C17orf67: variants seen among roughly 807,000 people sequenced by gnomAD.
C17orf67 encodes the protein uncharacterized protein C17orf67.
A neutral mutation model predicts 11.2 loss-of-function variants in C17orf67; 12 were observed. The ratio of observed to expected loss-of-function variants is 1.07; its 90% CI spans 0.68 to 1.73. The LOEUF (loss-of-function observed/expected upper bound fraction) is 1.73. Ranked by LOEUF, C17orf67 falls within the 40% of genes most tolerant of loss-of-function variation. The probability of loss-of-function intolerance (pLI) is 0.00; values close to 1 mark genes in which losing one functional copy is unlikely to be tolerated. For missense variants in C17orf67, 115 were observed against 113.5 expected, an observed-to-expected ratio of 1.01 and a Z score of -0.06; for synonymous variants, 59 against 46.9, an observed-to-expected ratio of 1.26 and a Z score of -1.05.
chr17:56,827,637 C>T (rs549749078), intron 2 of C17orf67, among the ~76,000 whole-genome samples: 2 of 152,338 alleles, frequency 1.3e-5, no homozygotes, highest in African/African-American at 4.8e-5. Context: ...GGAGGGGCTG[C>T]GATCCTCTGT....
chr17:56,809,646 C>T (rs1052031809), intron 6 of C17orf67, among the ~76,000 whole-genome samples: 1 of 142,296 alleles, frequency 7.0e-6, no homozygotes. Flanking sequence ...CCCTCACACA[C>T]AGACCCCTCA....
chr17:56,811,086 C>T (rs558487077), intron 6 of C17orf67, among the ~76,000 whole-genome samples: 1 of 152,234 alleles, frequency 6.6e-6, no homozygotes, highest in African/African-American at 2.4e-5. Context: ...CCTGACTCCT[C>T]GCTTGGGTTG....
At chr17:56,793,698 A>G (rs1005219422) in intron 7 of C17orf67, among the ~76,000 whole-genome samples, 2 of 152,242 alleles carry the variant, frequency 1.3e-5, no homozygotes, top group Non-Finnish European at 2.9e-5. Context: ...AGCTCTGGCC[A>G]GTTCCAGAGC....
chr17:56,811,656 T>C (rs1310340646), intron 6 of C17orf67, among the ~76,000 whole-genome samples: 1 of 151,968 alleles, frequency 6.6e-6, no homozygotes, highest in Admixed American at 6.6e-5. Context: ...AATGGGCACC[T>C]TGAGTAAGGA....
At chr17:56,798,290 T>G (rs973407249) in intron 6 of C17orf67, among the ~76,000 whole-genome samples, 12 of 119,028 alleles carry the variant, frequency 1.0e-4, no homozygotes, top group African/African-American at 2.6e-4. Context: ...TCTTGTGGGG[T>G]TTTTTTTATT....
chr17:56,820,338 C>A (rs1905868365), intron 4 of C17orf67, among the ~76,000 whole-genome samples: 1 of 152,182 alleles, frequency 6.6e-6, no homozygotes, highest in Non-Finnish European at 1.5e-5. Context: ...TATTCTAGTT[C>A]AGGGCCGTGG....
chr17:56,815,916 C>G lies in C17orf67; in HGVS notation c.-106G>C, dbSNP rs373629926. On this transcript the variant is annotated 5_prime_UTR_variant, in exon 5 of 8. Coordinates refer to ENST00000397861, the MANE Select transcript of C17orf67 (RefSeq NM_001085430.4). The stretch of plus-strand genomic sequence containing the variant: ...CTGCGCTTGTTTATGCTTTGACTAA[C>G]GGGACTTACGGTATGATGCTGAATG... 6.3e-7 allele frequency: 1 copy of G among 1,581,060 alleles called. No individual in the cohort carries two copies. The highest frequency in any genetic ancestry group is 8.6e-7 in the Non-Finnish European group (1 of 1,160,526).
At chr17:56,805,917 C>T (rs892993813) in intron 6 of C17orf67, among the ~76,000 whole-genome samples, 1 of 148,404 alleles carries the variant, frequency 6.7e-6, no homozygotes, top group Admixed American at 6.7e-5. Flanking sequence ...AAAAGAAATA[C>T]ATTTTTTAAA....
chr17:56,820,287 T>C (rs1256375315), intron 4 of C17orf67, among the ~76,000 whole-genome samples: 1 of 152,192 alleles, frequency 6.6e-6, no homozygotes, highest in East Asian at 1.9e-4. Context: ...TTAAGAAAGA[T>C]TAATAAAAAC....
intron 4 of C17orf67, among the ~76,000 whole-genome samples, chr17:56,818,761 C>G (rs1314120259): frequency 2.0e-5 from 3 of 151,946 alleles, no homozygotes; most frequent in African/African-American, 7.3e-5. Context: ...GATTTTATGC[C>G]TTTTTTTGTA....
chr17:56,805,186 G>C (rs1183937393), intron 6 of C17orf67, among the ~76,000 whole-genome samples: 1 of 152,170 alleles, frequency 6.6e-6, no homozygotes, highest in African/African-American at 2.4e-5. Context: ...GATTTACTAG[G>C]GGGAGGCACC....
chr17:56,811,526 G>A (rs1054013596), intron 6 of C17orf67, among the ~76,000 whole-genome samples: 3 of 151,276 alleles, frequency 2.0e-5, no homozygotes, highest in Admixed American at 1.3e-4. Flanking sequence ...AACCTCGTTA[G>A]TGAGCCCAAA....
chr17:56,827,776 C>G (rs140422886), intron 2 of C17orf67, among the ~76,000 whole-genome samples: 3 of 152,302 alleles, frequency 2.0e-5, no homozygotes, highest in African/African-American at 7.2e-5. Flanking sequence ...CCACACCTCA[C>G]GGGCTTAGTG....
intron 4 of C17orf67, among the ~76,000 whole-genome samples, chr17:56,820,802 C>A: frequency 7.4e-6 from 1 of 134,264 alleles, no homozygotes; most frequent in Non-Finnish European, 1.5e-5. Context: ...AAGGAACTGT[C>A]CCATTACACA....
chr17:56,815,641 C>A (rs1789854302), intron 5 of C17orf67, 115 bp downstream of exon 5: 3 of 763,290 alleles, frequency 3.9e-6, no homozygotes, highest in Non-Finnish European at 5.2e-6. Flanking sequence ...AAAGAAAGAG[C>A]ATTGAAATAT....
intron 6 of C17orf67, among the ~76,000 whole-genome samples, chr17:56,800,169 C>T (rs1905287155): frequency 6.7e-6 from 1 of 148,600 alleles, no homozygotes; most frequent in South Asian, 2.2e-4. Flanking sequence ...GGGTTCACGC[C>T]ATTCTCCTGC....
At chr17:56,801,209 G>C (rs1237002976) in intron 6 of C17orf67, among the ~76,000 whole-genome samples, 1 of 152,200 alleles carries the variant, frequency 6.6e-6, no homozygotes, top group East Asian at 1.9e-4. Flanking sequence ...CATAGAACAG[G>C]TCCATACAAA....
At chr17:56,824,956 A>C (rs1242305979) in intron 3 of C17orf67, 103 bp from the exon 4 acceptor site, 2 of 152,260 alleles carry the variant, frequency 1.3e-5, no homozygotes, top group African/African-American at 4.8e-5. Context: ...AAGAGCTCTC[A>C]AATCTTCAAT....
chr17:56,817,619 G>A (rs1215648475), intron 4 of C17orf67, among the ~76,000 whole-genome samples: 1 of 151,768 alleles, frequency 6.6e-6, no homozygotes, highest in Non-Finnish European at 1.5e-5. Flanking sequence ...ATGCCCAGCT[G>A]ATTTTTTTTC....
Sources: allele counts gnomAD v4.1 joint callset (sites outside exome capture counted in the v4.1 genomes callset), GRCh38; gene constraint gnomAD v4.1.1; transcripts MANE v1.5; gene names NCBI Gene and HGNC (gene_info 2026-07-23, HGNC 2026-07-21).